Variants in TMEM132D observed in about 807,000 individuals in gnomAD.
The protein encoded by TMEM132D is transmembrane protein 132D.
A neutral mutation model predicts 62.3 loss-of-function variants in TMEM132D; 21 were observed. The ratio of observed to expected loss-of-function variants is 0.34; its 90% CI spans 0.24 to 0.49. The LOEUF (loss-of-function observed/expected upper bound fraction) is 0.49, where lower values mean the gene tolerates loss of function less well. Ranked by LOEUF, TMEM132D falls within the 20% of genes least tolerant of loss-of-function variation. TMEM132D has a pLI of 0.99. For synonymous variants in TMEM132D, 621 were observed against 575.6 expected (o/e 1.08, Z -1.13); for missense variants, 1,346 against 1,402.8 (o/e 0.96, Z 0.65).
chr12:129,822,443 A>C (rs1485170674), intron 1 of TMEM132D, among the ~76,000 whole-genome samples: 2 of 152,196 alleles, frequency 1.3e-5, no homozygotes, highest in Non-Finnish European at 2.9e-5. Context: ...GTCCCTCCCC[A>C]GGGAGTCACA....
At chr12:129,551,956 T>C (rs1426096856) in intron 2 of TMEM132D, among the ~76,000 whole-genome samples, 2 of 152,194 alleles carry the variant, frequency 1.3e-5, no homozygotes, top group African/African-American at 4.8e-5. Flanking sequence ...AAGTAGCATA[T>C]ATGGGCAGAA....
At chr12:129,234,403 G>T (rs1199511007) in intron 4 of TMEM132D, among the ~76,000 whole-genome samples, 1 of 152,176 alleles carries the variant, frequency 6.6e-6, no homozygotes. Flanking sequence ...CGTAGCAACT[G>T]CTAAATAGCT....
In TMEM132D at chr12:129,674,768, T is replaced by C. The variant is rs374102992; in HGVS notation, c.968+25042A>G. Among the ~76,000 whole-genome samples, 11 of 152,246 alleles carry C rather than the reference T, an allele frequency of 7.2e-5. No individual in the cohort carries two copies. In the East Asian group the frequency reaches 1.9e-3, roughly 27 times the overall value. ...GTTGGCCAGACTGGTCTCGAACTCCTGACCTCATGATCCACCCACCTTGGC... is the reference window on the plus strand; with the variant it reads ...GTTGGCCAGACTGGTCTCGAACTCCCGACCTCATGATCCACCCACCTTGGC... On this transcript the variant is annotated intron_variant, in intron 2 of 8. Coordinates refer to ENST00000422113, the MANE Select transcript of TMEM132D (RefSeq NM_133448.3).
chr12:129,096,753 T>C (rs1320276850), intron 5 of TMEM132D, among the ~76,000 whole-genome samples: 1 of 152,226 alleles, frequency 6.6e-6, no homozygotes, highest in African/African-American at 2.4e-5. Context: ...GAGTCATCTA[T>C]ACCAGAAGAT....
rs531047745 is a variant in TMEM132D, at chr12:129,866,372, T to C, written c.79+36889A>G. Among the ~76,000 whole-genome samples the C allele has an allele frequency of 4.5e-3, 639 of 142,682 alleles. 1 individual carries two copies. The highest frequency in any genetic ancestry group is 7.6e-3 in the Non-Finnish European group (505 of 66,700). 93.6% of individuals were successfully genotyped at this position (142,682 alleles called of 152,430 possible). On this transcript the variant is annotated intron_variant, in intron 1 of 8. Coordinates refer to ENST00000422113, the MANE Select transcript of TMEM132D (RefSeq NM_133448.3). ...AAAACCAAACACTGCATGTTCTCAC[T>C]CATAGGTGGGAATTGAACAATGAGA...
chr12:129,196,165 G>A (rs983289274), intron 5 of TMEM132D, among the ~76,000 whole-genome samples: 6 of 152,054 alleles, frequency 3.9e-5, no homozygotes, highest in Admixed American at 6.6e-5. Flanking sequence ...ATCTTGCCCT[G>A]GTTGTTGTTG....
intron 5 of TMEM132D, among the ~76,000 whole-genome samples, chr12:129,171,868 A>T (rs148935112): frequency 4.9e-4 from 75 of 152,196 alleles, no homozygotes; most frequent in African/African-American, 1.7e-3. Context: ...ATTTAGCATA[A>T]CTCTTAAGGG....
Position 129,502,633 on chromosome 12 carries a change from TATG to T in TMEM132D, c.1115+28423_1115+28425del, listed in dbSNP as rs567628636. Among the ~76,000 whole-genome samples the T allele has an allele frequency of 1.5e-3, 226 of 152,286 alleles. 1 individual carries two copies. Among genetic ancestry groups the T allele is most frequent in the African/African-American group, 5.2e-3 (215 of 41,556 alleles). On this transcript the variant is annotated intron_variant, in intron 3 of 8. Transcript: ENST00000422113. ...CCTTTTCAGGCAGAGAGCAATGCTA[TATG>T]ATATCAAATTAATCTCTAGAAGCCT... is the stretch of plus-strand genomic sequence containing the variant.
intron 7 of TMEM132D, among the ~76,000 whole-genome samples, chr12:129,078,986 C>T (rs1358451366): frequency 2.0e-5 from 3 of 152,224 alleles, no homozygotes; most frequent in African/African-American, 7.2e-5. Context: ...CCCCACACAT[C>T]AGCTCCGTTT....
At chr12:129,419,181 C>T (rs986209008) in intron 3 of TMEM132D, among the ~76,000 whole-genome samples, 1 of 106,942 alleles carries the variant, frequency 9.4e-6, no homozygotes, top group Non-Finnish European at 1.9e-5. Flanking sequence ...CCTTGAGAGT[C>T]CCCAACTCCA....
At chr12:129,485,462 G>A (rs996684151) in intron 3 of TMEM132D, among the ~76,000 whole-genome samples, 7 of 152,298 alleles carry the variant, frequency 4.6e-5, no homozygotes, top group South Asian at 4.1e-4. Flanking sequence ...GGGAGGCTAC[G>A]GGTCAGGCAC....
chr12:129,484,025 C>T (rs1355887256), intron 3 of TMEM132D, among the ~76,000 whole-genome samples: 1 of 152,056 alleles, frequency 6.6e-6, no homozygotes, highest in Non-Finnish European at 1.5e-5. Context: ...GCTGGAGTGC[C>T]ATGGCGTGAT....
At chr12:129,608,136 G>A (rs1403707002) in intron 2 of TMEM132D, among the ~76,000 whole-genome samples, 1 of 152,198 alleles carries the variant, frequency 6.6e-6, no homozygotes, top group Non-Finnish European at 1.5e-5. Flanking sequence ...AGCGAAGTGT[G>A]TTTTAAGGAG....
At chr12:129,854,207 C>T (rs909143668) in intron 1 of TMEM132D, among the ~76,000 whole-genome samples, 3 of 152,172 alleles carry the variant, frequency 2.0e-5, no homozygotes, top group Non-Finnish European at 4.4e-5. Context: ...GGACACAAAA[C>T]GTTCAGCTAT....
At chr12:129,370,202 C>G (rs561997339) in intron 3 of TMEM132D, among the ~76,000 whole-genome samples, 18 of 152,318 alleles carry the variant, frequency 1.2e-4, no homozygotes, top group Admixed American at 3.9e-4. Flanking sequence ...AACAAACAAG[C>G]CTTCACACAG....
chr12:129,194,816 G>A (rs1878503015), intron 5 of TMEM132D, among the ~76,000 whole-genome samples: 1 of 152,068 alleles, frequency 6.6e-6, no homozygotes, highest in Admixed American at 6.5e-5. Context: ...TTGTTTCTAT[G>A]TTTTTTTCTA....
chr12:129,137,789 G>C lies in TMEM132D; in HGVS notation c.1444-53087C>G, dbSNP rs527767571. ...CAGACATGAGCAAGAAAACCAACCTGCTAAAGATGGTGCTGCAGAGATTAA... is the reference window on the plus strand; with the variant it reads ...CAGACATGAGCAAGAAAACCAACCTCCTAAAGATGGTGCTGCAGAGATTAA... On this transcript the variant is annotated intron_variant, in intron 5 of 8. Transcript: ENST00000422113. Among the ~76,000 whole-genome samples, 70 of 152,298 alleles carry C rather than the reference G, an allele frequency of 4.6e-4. No homozygotes were observed. The South Asian group carries it at 0.014, about 31-fold the overall frequency.
At position 129,420,306 on chromosome 12, in the gene TMEM132D, GTTTT is replaced by G. The variant is rs71082709; in HGVS notation, c.1116-82493_1116-82490del. ...AATTTCAAATTATTGCACGTTCTCT[GTTTT>G]TTTTTTTTTTTTTTTTTTTTGCAGT... On this transcript the variant is annotated intron_variant, in intron 3 of 8. Coordinates refer to ENST00000422113, the MANE Select transcript of TMEM132D (RefSeq NM_133448.3). Among the ~76,000 whole-genome samples the G allele has an allele frequency of 3.9e-3, 441 of 112,314 alleles. 12 individuals are homozygous for G. In the South Asian group the frequency reaches 0.053, roughly 13 times the overall value. The allele number at this position is 112,314 out of a possible 152,430, so 73.7% of individuals were successfully genotyped here. A position where few individuals can be genotyped will look rare whatever the true frequency, so the allele number is the denominator to read the frequency against.
chr12:129,421,057 G>A (rs1872308416), intron 3 of TMEM132D, among the ~76,000 whole-genome samples: 1 of 151,708 alleles, frequency 6.6e-6, no homozygotes, highest in Non-Finnish European at 1.5e-5. Flanking sequence ...TGCCTCCCGG[G>A]TTCAAGAGAT....
Sources: allele counts gnomAD v4.1 joint callset (sites outside exome capture counted in the v4.1 genomes callset), GRCh38; gene constraint gnomAD v4.1.1; transcripts MANE v1.5; gene names NCBI Gene and HGNC (gene_info 2026-07-23, HGNC 2026-07-21).